Variants in RPS6KC1 observed in about 807,000 individuals in gnomAD.
The protein encoded by RPS6KC1 is ribosomal protein S6 kinase C1, also known as inactive ribosomal protein S6 kinase delta-1.
RPS6KC1 carries 54 observed loss-of-function variants against 103.8 expected under a neutral mutation model. That is an observed-to-expected ratio of 0.52 (90% CI 0.42 to 0.65). The LOEUF (loss-of-function observed/expected upper bound fraction) is 0.65, where lower values mean the gene tolerates loss of function less well. RPS6KC1 is among the 30% of genes least tolerant of loss of function. The pLI is 0.00. For missense variants in RPS6KC1, 1,151 were observed against 1,253.8 expected, an observed-to-expected ratio of 0.92 and a Z score of 1.24; for synonymous variants, 439 against 438.7, an observed-to-expected ratio of 1.00 and a Z score of -0.01.
chr1:213,646,068 C>T, the RPS6KC1 span, among the ~76,000 whole-genome samples: 5 of 152,248 alleles, frequency 3.3e-5, no homozygotes, highest in Admixed American at 2.0e-4. Flanking sequence ...TTTCTGTTAG[C>T]GTGTAAAGCA....
At chr1:213,418,048 T>C in the RPS6KC1 span, among the ~76,000 whole-genome samples, 1 of 152,052 alleles carries the variant, frequency 6.6e-6, no homozygotes, top group African/African-American at 2.4e-5. Flanking sequence ...CCAGCTTCCA[T>C]GGGAGCAAAC....
chr1:213,278,577 G>A (rs543527728), downstream of RPS6KC1, among the ~76,000 whole-genome samples: 39 of 152,104 alleles, frequency 2.6e-4, no homozygotes, highest in African/African-American at 2.7e-4. Flanking sequence ...CTCTTCCCCC[G>A]ACCGTATGCT....
the RPS6KC1 span, among the ~76,000 whole-genome samples, chr1:213,732,354 C>CATGT: frequency 1.3e-5 from 2 of 150,100 alleles, no homozygotes; most frequent in African/African-American, 5.0e-5. Flanking sequence ...TATGAGTGTG[C>CATGT]GTGTGCGTGT....
the RPS6KC1 span, among the ~76,000 whole-genome samples, chr1:213,813,882 C>T: frequency 6.6e-6 from 1 of 152,180 alleles, no homozygotes; most frequent in Admixed American, 6.5e-5. Context: ...ATTAGCACTT[C>T]TCACCTTGAA....
At chr1:213,410,271 C>A in the RPS6KC1 span, among the ~76,000 whole-genome samples, 1 of 152,072 alleles carries the variant, frequency 6.6e-6, no homozygotes, top group Non-Finnish European at 1.5e-5. Flanking sequence ...TGGAATGTGG[C>A]CCCTGAGGAA....
intron 8 of RPS6KC1, among the ~76,000 whole-genome samples, chr1:213,227,691 C>T (rs568970124): frequency 6.6e-6 from 1 of 152,316 alleles, no homozygotes; most frequent in South Asian, 2.1e-4. Context: ...CTTAGGCTTG[C>T]TATGAGATCC....
At chr1:213,438,849 A>AGTGGT in the RPS6KC1 span, among the ~76,000 whole-genome samples, 1 of 141,070 alleles carries the variant, frequency 7.1e-6, no homozygotes, top group Non-Finnish European at 1.5e-5. Flanking sequence ...GCTGGAGTGC[A>AGTGGT]GTGGTGTGAT....
chr1:213,082,203 G>A (rs1231794206), intron 3 of RPS6KC1, among the ~76,000 whole-genome samples: 3 of 151,862 alleles, frequency 2.0e-5, no homozygotes, highest in Admixed American at 1.3e-4. Flanking sequence ...GGCAGATCAC[G>A]AGGTCAGGAA....
intron 8 of RPS6KC1, among the ~76,000 whole-genome samples, chr1:213,180,170 A>T (rs2092175934): frequency 6.6e-6 from 1 of 152,150 alleles, no homozygotes; most frequent in South Asian, 2.1e-4. Flanking sequence ...ATTAAAAAAA[A>T]ATGTGTAGTC....
chr1:213,606,978 G>A, the RPS6KC1 span, among the ~76,000 whole-genome samples: 1 of 152,188 alleles, frequency 6.6e-6, no homozygotes, highest in Admixed American at 6.5e-5. Context: ...AGGAAACTAA[G>A]GGCAGGATCC....
chr1:213,409,160 A>T, the RPS6KC1 span, among the ~76,000 whole-genome samples: 1 of 152,156 alleles, frequency 6.6e-6, no homozygotes. Flanking sequence ...TTTCCAGGGC[A>T]GGTCCCACGC....
At chr1:213,462,102 G>A in the RPS6KC1 span, among the ~76,000 whole-genome samples, 65 of 152,268 alleles carry the variant, frequency 4.3e-4, no homozygotes, top group Admixed American at 1.2e-3. Flanking sequence ...AGTGGGCAAA[G>A]GATATGAACA....
the RPS6KC1 span, among the ~76,000 whole-genome samples, chr1:213,498,969 A>G: frequency 2.0e-5 from 3 of 151,060 alleles, no homozygotes. Flanking sequence ...TAGTAGAGAC[A>G]GGGTTTCTCC....
At chr1:213,190,637 G>A (rs761304535) in intron 8 of RPS6KC1, among the ~76,000 whole-genome samples, 21 of 152,040 alleles carry the variant, frequency 1.4e-4, no homozygotes, top group Non-Finnish European at 3.1e-4. Context: ...TCTTTGCTGT[G>A]CAAAAGCTTT....
At chr1:213,293,483 TC>T in the RPS6KC1 span, among the ~76,000 whole-genome samples, 4 of 152,186 alleles carry the variant, frequency 2.6e-5, no homozygotes, top group African/African-American at 9.7e-5. Flanking sequence ...TGGCAGGAAA[TC>T]AAAGCTTTTT....
At chr1:213,557,242 C>T in the RPS6KC1 span, among the ~76,000 whole-genome samples, 1 of 152,202 alleles carries the variant, frequency 6.6e-6, no homozygotes, top group Non-Finnish European at 1.5e-5. Flanking sequence ...TCCACCCCCA[C>T]TTTCTAGTGT....
chr1:213,727,675 G>A, the RPS6KC1 span, among the ~76,000 whole-genome samples: 3 of 152,082 alleles, frequency 2.0e-5, no homozygotes, highest in Non-Finnish European at 4.4e-5. Flanking sequence ...GAGGGGACCA[G>A]GCCAGAAATA....
chr1:213,668,930 TCA>T, the RPS6KC1 span, among the ~76,000 whole-genome samples: 1 of 152,230 alleles, frequency 6.6e-6, no homozygotes, highest in Admixed American at 6.5e-5. Context: ...CTCACCTCTC[TCA>T]GACTTCACAG....
the RPS6KC1 span, among the ~76,000 whole-genome samples, chr1:213,628,481 T>C: frequency 6.6e-6 from 1 of 152,188 alleles, no homozygotes; most frequent in African/African-American, 2.4e-5. Context: ...TTTTTTTCTT[T>C]CTTTTTAAAT....
Sources: allele counts gnomAD v4.1 joint callset (sites outside exome capture counted in the v4.1 genomes callset), GRCh38; gene constraint gnomAD v4.1.1; transcripts MANE v1.5; gene names NCBI Gene and HGNC (gene_info 2026-07-23, HGNC 2026-07-21).